CRACD: variants seen among roughly 807,000 people sequenced by gnomAD.
CRACD encodes capping protein-inhibiting regulator of actin dynamics.
In CRACD, 56 loss-of-function variants were observed where a neutral mutation model predicts 106.8. The observed-to-expected ratio is 0.52, with a 90% CI of 0.42 to 0.66. CRACD has a LOEUF of 0.66. Among genes scored for constraint, CRACD ranks in the 30% least tolerant of loss-of-function variants. CRACD has a pLI of 0.00. For synonymous variants in CRACD, 754 were observed against 670.8 expected, an observed-to-expected ratio of 1.12 and a Z score of -1.92; for missense variants, 1,730 against 1,623.2, an observed-to-expected ratio of 1.07 and a Z score of -1.13.
chr4:56,171,299 C>T (rs28693049), intron 1 of CRACD, among the ~76,000 whole-genome samples: 35 of 151,518 alleles, frequency 2.3e-4, no homozygotes, highest in African/African-American at 8.5e-4. Flanking sequence ...GTCATTATAG[C>T]TGACGAGGAA....
intron 1 of CRACD, among the ~76,000 whole-genome samples, chr4:56,143,735 CTA>C (rs2109880936): frequency 6.6e-6 from 1 of 152,078 alleles, no homozygotes; most frequent in Non-Finnish European, 1.5e-5. Flanking sequence ...ATTGTGGGTG[CTA>C]TGTTTTTCAT....
At chr4:56,125,855 T>G (rs1734645060) in intron 1 of CRACD, among the ~76,000 whole-genome samples, 1 of 133,942 alleles carries the variant, frequency 7.5e-6, no homozygotes, top group Non-Finnish European at 1.6e-5. Flanking sequence ...CACTGCAACC[T>G]CCGCCTCCCA....
chr4:56,076,478 A>G (rs1017381248), intron 1 of CRACD, among the ~76,000 whole-genome samples: 1 of 152,170 alleles, frequency 6.6e-6, no homozygotes, highest in Non-Finnish European at 1.5e-5. Flanking sequence ...TTTAATGTTA[A>G]AGTCTTATGA....
At chr4:56,240,492 A>G (rs1268302714) in intron 2 of CRACD, among the ~76,000 whole-genome samples, 1 of 152,138 alleles carries the variant, frequency 6.6e-6, no homozygotes, top group Non-Finnish European at 1.5e-5. Context: ...TGTTTAGCCA[A>G]CTTGCATGCC....
intron 1 of CRACD, among the ~76,000 whole-genome samples, chr4:56,140,423 A>G (rs1353737303): frequency 6.6e-6 from 1 of 152,148 alleles, no homozygotes; most frequent in African/African-American, 2.4e-5. Context: ...TGCTGGTTGC[A>G]TTTGTATTGC....
chr4:56,090,726 C>T (rs1008993577), intron 1 of CRACD, among the ~76,000 whole-genome samples: 2 of 152,106 alleles, frequency 1.3e-5, no homozygotes, highest in Admixed American at 1.3e-4. Context: ...GGCTCAGAGG[C>T]TAGAAGACCA....
intron 1 of CRACD, among the ~76,000 whole-genome samples, chr4:56,162,354 C>T (rs562159367): frequency 2.6e-4 from 39 of 152,082 alleles, no homozygotes; most frequent in South Asian, 8.3e-4. Flanking sequence ...ACCACCATGC[C>T]CCTGCTAATT....
intron 1 of CRACD, among the ~76,000 whole-genome samples, chr4:56,118,206 G>A (rs909797059): frequency 2.6e-5 from 4 of 152,118 alleles, no homozygotes; most frequent in African/African-American, 7.2e-5. Context: ...AATCACTTAC[G>A]AACCAGAAGG....
At chr4:56,249,639 T>A (rs1340054579) in intron 2 of CRACD, among the ~76,000 whole-genome samples, 2 of 152,170 alleles carry the variant, frequency 1.3e-5, no homozygotes, top group Non-Finnish European at 2.9e-5. Flanking sequence ...TATGAAAGCC[T>A]CCATCTCCAC....
At chr4:56,113,175 T>C (rs1577969445) in intron 1 of CRACD, among the ~76,000 whole-genome samples, 1 of 152,332 alleles carries the variant, frequency 6.6e-6, no homozygotes, top group East Asian at 1.9e-4. Context: ...TTCTTTTGAG[T>C]TTCTGTCTTT....
In CRACD at chr4:56,190,390, G is replaced by A. The variant is rs1012227665; in HGVS notation, c.-189+10960G>A. Among the ~76,000 whole-genome samples, 11 of 152,218 alleles carry A rather than the reference G, an allele frequency of 7.2e-5. No individual in the cohort carries two copies. In the East Asian group the frequency reaches 7.7e-4, roughly 11 times the overall value. Reference sequence around the variant, plus strand: ...TCTAGTTGTAGATCCCTGAGGAATCGCCACACTGACTTCCACAACGGTTGA... The same window carrying A: ...TCTAGTTGTAGATCCCTGAGGAATCACCACACTGACTTCCACAACGGTTGA... On this transcript the variant is annotated intron_variant, in intron 2 of 10. Coordinates refer to ENST00000682029, the MANE Select transcript of CRACD (RefSeq NM_001393381.1).
intron 2 of CRACD, among the ~76,000 whole-genome samples, chr4:56,263,516 T>A (rs891421416): frequency 5.9e-5 from 9 of 152,150 alleles, no homozygotes; most frequent in South Asian, 2.1e-4. Flanking sequence ...GGCCATCTTA[T>A]CCTATGTCTT....
At chr4:56,156,516 A>G (rs879881578) in intron 1 of CRACD, among the ~76,000 whole-genome samples, 20 of 152,224 alleles carry the variant, frequency 1.3e-4, no homozygotes, top group Admixed American at 2.6e-4. Context: ...AAGCTTCAAT[A>G]ACATTTCATT....
chr4:56,266,453 T>C (rs1159811233), intron 2 of CRACD, among the ~76,000 whole-genome samples: 1 of 152,234 alleles, frequency 6.6e-6, no homozygotes, highest in Non-Finnish European at 1.5e-5. Flanking sequence ...TGTCCCCTTC[T>C]TCCCACTGCC....
At chr4:56,326,832 A>C (rs879532743) in intron 10 of CRACD, among the ~76,000 whole-genome samples, 6 of 150,876 alleles carry the variant, frequency 4.0e-5, no homozygotes, top group African/African-American at 9.8e-5. Flanking sequence ...CTCTGCCTGC[A>C]GGGTTCAAGT....
chr4:56,167,767 G>A (rs1448293028), intron 1 of CRACD, among the ~76,000 whole-genome samples: 1 of 152,144 alleles, frequency 6.6e-6, no homozygotes, highest in Non-Finnish European at 1.5e-5. Flanking sequence ...TTCACCAACA[G>A]ATGAATGGAC....
rs564959717 is a variant in CRACD, at chr4:56,148,701, C to A, written c.-335-30583C>A. 1.1e-4 allele frequency among the ~76,000 whole-genome samples: 17 copies of A among 152,244 alleles called. No homozygotes were observed. In the South Asian group the frequency reaches 3.5e-3, roughly 32 times the overall value. ...TTATGTTTTTCATTTATAAGGATTTCAAATTGTTTCTTTATTGTTCAGTTT... is the reference window on the plus strand; with the variant it reads ...TTATGTTTTTCATTTATAAGGATTTAAAATTGTTTCTTTATTGTTCAGTTT... On this transcript the variant is annotated intron_variant, in intron 1 of 10. Transcript: ENST00000682029.
At chr4:56,121,252 A>T (rs906335926) in intron 1 of CRACD, among the ~76,000 whole-genome samples, 16 of 152,234 alleles carry the variant, frequency 1.1e-4, no homozygotes, top group African/African-American at 3.6e-4. Context: ...GTGCAAAATA[A>T]AATTTGCACT....
intron 2 of CRACD, among the ~76,000 whole-genome samples, chr4:56,203,676 TG>T (rs1737991230): frequency 6.6e-6 from 1 of 152,170 alleles, no homozygotes; most frequent in African/African-American, 2.4e-5. Context: ...CAGTGCAAAA[TG>T]AAAATGTGGA....
Sources: gnomAD v4.1 joint callset for allele counts (sites outside exome capture counted in the v4.1 genomes callset) on GRCh38, gnomAD v4.1.1 for gene constraint, MANE v1.5 for transcripts, NCBI Gene and HGNC (gene_info 2026-07-23, HGNC 2026-07-21) for gene names.